NSMAF: variants seen among roughly 807,000 people sequenced by gnomAD.
NSMAF encodes neutral sphingomyelinase activation associated factor.
In NSMAF, 90 loss-of-function variants were observed where a neutral mutation model predicts 134.9. The ratio of observed to expected loss-of-function variants is 0.67; its 90% CI spans 0.56 to 0.79. NSMAF has a LOEUF of 0.79. Ranked by LOEUF, NSMAF falls within the 30% of genes least tolerant of loss-of-function variation. The pLI, the probability that NSMAF is intolerant of heterozygous loss-of-function variation, is 0.00. For missense variants in NSMAF, 1,010 were observed against 1,119.0 expected (o/e 0.90, Z 1.39); for synonymous variants, 358 against 389.6 (o/e 0.92, Z 0.96).
chr8:58,605,721 AC>A (rs749140040), intron 12 of NSMAF, among the ~76,000 whole-genome samples: 63 of 152,084 alleles, frequency 4.1e-4, no homozygotes, highest in Non-Finnish European at 7.9e-4. Context: ...TACTAAAAAT[AC>A]AAAAAAAATT....
chr8:58,584,000 A>G lies in NSMAF; in HGVS notation c.*106T>C. 1.1e-6 allele frequency: 1 copy of G among 902,690 alleles called. No homozygotes were observed. The highest frequency in any genetic ancestry group is 1.8e-6 in the Non-Finnish European group (1 of 557,796). The allele number at this position is 902,690 out of a possible 1,614,324, so 55.9% of individuals were successfully genotyped here. On this transcript the variant is annotated 3_prime_UTR_variant, in exon 31 of 31. Transcript: ENST00000038176. The stretch of plus-strand genomic sequence containing the variant: ...TAAAACCACAAATTTTCCATGTGGT[A>G]AAACTTCTAATTACTAACATTGCAC...
In NSMAF at chr8:58,659,779, G is replaced by C; in HGVS notation, c.-148C>G. 4.4e-6 allele frequency: 2 copies of C among 453,912 alleles called. No homozygotes were observed. Among genetic ancestry groups the C allele is most frequent in the Non-Finnish European group, 6.8e-6 (2 of 295,514 alleles). The allele number at this position is 453,912 out of a possible 1,614,324, so 28.1% of individuals were successfully genotyped here. On this transcript the variant is annotated 5_prime_UTR_variant, in exon 1 of 31. Coordinates refer to ENST00000038176, the MANE Select transcript of NSMAF (RefSeq NM_003580.4). ...CTGGCTTCCCCTGCGGCGCCGCTGG[G>C]CGGCCGAGAGCCCGACGCGGCGTCC...
At chr8:58,592,774 C>A (rs1057480117) in intron 23 of NSMAF, among the ~76,000 whole-genome samples, 1 of 152,060 alleles carries the variant, frequency 6.6e-6, no homozygotes, top group Non-Finnish European at 1.5e-5. Context: ...GTGAACCCAG[C>A]TACTCAGGAG....
chr8:58,643,534 C>T (rs1432393463), intron 1 of NSMAF, among the ~76,000 whole-genome samples: 2 of 141,014 alleles, frequency 1.4e-5, no homozygotes, highest in East Asian at 2.1e-4. Flanking sequence ...AGGGACAGAT[C>T]TTTTTTTTTT....
In NSMAF at chr8:58,607,782, C is replaced by T; in HGVS notation, c.746G>A (p.Gly249Asp). 7 of 1,613,956 alleles carry T rather than the reference C, an allele frequency of 4.3e-6. No homozygotes were observed. Among genetic ancestry groups the T allele is most frequent in the Non-Finnish European group, 5.9e-6 (7 of 1,179,796 alleles). The part of the protein sequence containing the change: ...DVRRIYKRRH[G>D]LMPLGLEVFC... ...CCAAGGACTCACCAGAGGCATGAGG[C>T]CGTGCCTCCTTTTGTAGATGCGGCG... Residue 249 changes from glycine to aspartate, a missense_variant, in exon 11 of 31, where the codon GGC becomes GAC. Gly to Asp is a moderately conservative substitution (Grantham distance 94). Transcript: ENST00000038176.
chr8:58,590,983 T>A (rs1262533565), intron 23 of NSMAF, 49 bp from the exon 24 acceptor site: 2 of 1,528,436 alleles, frequency 1.3e-6, no homozygotes, highest in Non-Finnish European at 1.8e-6. Flanking sequence ...TCCTAACCAT[T>A]ACAGACGTCA....
chr8:58,643,563 A>C (rs1807381125), intron 1 of NSMAF, among the ~76,000 whole-genome samples: 3 of 142,512 alleles, frequency 2.1e-5, no homozygotes, highest in Non-Finnish European at 1.5e-5. Flanking sequence ...ACGGAGTTTC[A>C]CTCTTGTTGC....
intron 2 of NSMAF, among the ~76,000 whole-genome samples, chr8:58,640,519 A>G (rs1283626058): frequency 6.6e-6 from 1 of 151,924 alleles, no homozygotes; most frequent in African/African-American, 2.4e-5. Flanking sequence ...AAATAATAAT[A>G]CTAATAGTAT....
In NSMAF at chr8:58,605,987, G is replaced by A. The variant is rs1219479120; in HGVS notation, c.808C>T (p.Leu270=). Reference sequence around the variant, plus strand: ...CTATCTTGAGGTTCATAGAACTTTAGGTAGATGTCGGAACACAGATCATCT... The same window carrying A: ...CTATCTTGAGGTTCATAGAACTTTAAGTAGATGTCGGAACACAGATCATCT... ...TEDDLCSDIY[L]KFYEPQDRDD... The change falls in exon 12 of 31, where the codon CTA becomes TTA. Residue 270 remains leucine, a synonymous_variant. Coordinates refer to ENST00000038176, the MANE Select transcript of NSMAF (RefSeq NM_003580.4). 2.5e-6 allele frequency: 4 copies of A among 1,598,568 alleles called. No homozygotes were observed. The Admixed American group carries it at 7.0e-5, about 28-fold the overall frequency.
intron 1 of NSMAF, among the ~76,000 whole-genome samples, chr8:58,648,992 TCAA>T (rs1807522815): frequency 6.6e-6 from 1 of 152,150 alleles, no homozygotes; most frequent in Non-Finnish European, 1.5e-5. Flanking sequence ...CCCTCTAGAC[TCAA>T]CAATGGTAGA....
At chr8:58,599,147 A>G (rs1337841914) in intron 19 of NSMAF, 85 bp downstream of exon 19, 10 of 1,356,028 alleles carry the variant, frequency 7.4e-6, no homozygotes, top group Admixed American at 2.1e-5. Context: ...TTTTGTTGGT[A>G]TTGTTTGCTT....
chr8:58,596,271 C>T (rs1473516103), intron 21 of NSMAF, among the ~76,000 whole-genome samples: 1 of 152,184 alleles, frequency 6.6e-6, no homozygotes, highest in Non-Finnish European at 1.5e-5. Flanking sequence ...GGTCATGTAA[C>T]TCCAGGAAGC....
Position 58,585,922 on chromosome 8 carries a change from G to A in NSMAF, c.2525C>T (p.Ser842Phe), listed in dbSNP as rs1268713280. The stretch of plus-strand genomic sequence containing the variant: ...CCTCTGGGGCTCATCTGATGTCATG[G>A]AGGAGATGAGCATTCCTGTCTGCAC... ...IDVQTGMLIS[S>F]MTSDEPQRCF... Residue 842 changes from serine to phenylalanine, a missense_variant, in exon 29 of 31, where the codon TCC (serine) becomes TTC (phenylalanine). Coordinates refer to ENST00000038176, the MANE Select transcript of NSMAF (RefSeq NM_003580.4). 2.5e-6 allele frequency: 4 copies of A among 1,613,620 alleles called. No homozygotes were observed. The highest frequency in any genetic ancestry group is 3.4e-6 in the Non-Finnish European group (4 of 1,179,812).
intron 13 of NSMAF, 120 bp downstream of exon 13, chr8:58,603,090 G>A (rs1806322089): frequency 5.2e-6 from 5 of 962,176 alleles, no homozygotes; most frequent in African/African-American, 1.6e-5. Flanking sequence ...ACTGAAATGA[G>A]TTGTAATTTG....
intron 9 of NSMAF, among the ~76,000 whole-genome samples, chr8:58,619,536 T>C (rs1037664190): frequency 2.0e-5 from 3 of 152,172 alleles, no homozygotes; most frequent in African/African-American, 7.2e-5. Flanking sequence ...TAAGATTTTG[T>C]AAATATAAAG....
In NSMAF at chr8:58,617,713, G is replaced by T. The variant is rs189808770; in HGVS notation, c.557+5507C>A. On this transcript the variant is annotated intron_variant, in intron 9 of 30. Transcript: ENST00000038176. Reference sequence around the variant, plus strand: ...TAGGAACACTTTTACACTGTTGGTGGGAGTGTAAATTAGTTCAACCATTGT... The same window carrying T: ...TAGGAACACTTTTACACTGTTGGTGTGAGTGTAAATTAGTTCAACCATTGT... Among the ~76,000 whole-genome samples, 202 of 152,274 alleles carry T rather than the reference G, an allele frequency of 1.3e-3. 1 individual carries two copies. The highest frequency in any genetic ancestry group is 4.6e-3 in the African/African-American group (191 of 41,546).
At chr8:58,595,883 T>G (rs955524099) in intron 21 of NSMAF, 6 of 412,242 alleles carry the variant, frequency 1.5e-5, no homozygotes, top group African/African-American at 1.2e-4. Flanking sequence ...AGAATCTTTT[T>G]ATACTTTAAC....
intron 2 of NSMAF, among the ~76,000 whole-genome samples, chr8:58,642,506 A>C (rs569319561): frequency 1.3e-5 from 2 of 152,312 alleles, no homozygotes; most frequent in Admixed American, 6.5e-5. Context: ...GAAAGTACTG[A>C]TTTTATACCA....
rs1807728001 is a variant in NSMAF at position 58,656,910 on chromosome 8, A to AT, written c.59+2662dup. On this transcript the variant is annotated intron_variant, in intron 1 of 30. Coordinates refer to ENST00000038176, the MANE Select transcript of NSMAF (RefSeq NM_003580.4). ...TATTGCATTTACTTATACTAAAAAAATTTTAGTATAAGTACATACCAAATA... is the reference window on the plus strand; with the variant it reads ...TATTGCATTTACTTATACTAAAAAAATTTTTAGTATAAGTACATACCAAATA... Among the ~76,000 whole-genome samples, 3 of 152,310 alleles carry AT rather than the reference A, an allele frequency of 2.0e-5. No individual in the cohort carries two copies. In the South Asian group the frequency reaches 6.2e-4, roughly 32 times the overall value.
Sources: gnomAD v4.1 joint callset for allele counts (sites outside exome capture counted in the v4.1 genomes callset) on GRCh38, gnomAD v4.1.1 for gene constraint, MANE v1.5 for transcripts, NCBI Gene and HGNC (gene_info 2026-07-23, HGNC 2026-07-21) for gene names.